UVRAG: variants seen among roughly 807,000 people sequenced by gnomAD.
The protein encoded by UVRAG is UV radiation resistance-associated gene protein.
In UVRAG, 19 loss-of-function variants were observed where a neutral mutation model predicts 78.0. That is an observed-to-expected ratio of 0.24 (90% confidence interval 0.17 to 0.36). UVRAG has a LOEUF of 0.36. UVRAG is among the 10% of genes least tolerant of loss of function. UVRAG has a pLI of 1.00. For synonymous variants in UVRAG, 323 were observed against 324.6 expected (o/e 1.00, Z 0.05); for missense variants, 740 against 853.8 (o/e 0.87, Z 1.66).
chr11:75,960,883 G>A (rs1948896216), intron 6 of UVRAG, among the ~76,000 whole-genome samples: 1 of 152,162 alleles, frequency 6.6e-6, no homozygotes, highest in South Asian at 2.1e-4. Flanking sequence ...AGACCTTACT[G>A]AGAATGTAGT....
chr11:75,930,508 A>T (rs1018635852), intron 6 of UVRAG, among the ~76,000 whole-genome samples: 5 of 152,230 alleles, frequency 3.3e-5, no homozygotes, highest in Non-Finnish European at 7.3e-5. Context: ...AACTAATATT[A>T]TAGAACTGTT....
intron 3 of UVRAG, among the ~76,000 whole-genome samples, chr11:75,871,117 G>A (rs1055887593): frequency 1.3e-5 from 2 of 151,934 alleles, no homozygotes; most frequent in African/African-American, 2.4e-5. Flanking sequence ...CAGGTGATTC[G>A]CCCACCTCGG....
At chr11:75,990,900 A>G (rs572092914) in intron 8 of UVRAG, among the ~76,000 whole-genome samples, 5 of 152,322 alleles carry the variant, frequency 3.3e-5, no homozygotes, top group Admixed American at 3.3e-4. Context: ...TACACATAGA[A>G]TAAATATTTG....
chr11:76,055,784 A>G (rs886165092), intron 12 of UVRAG, among the ~76,000 whole-genome samples: 1 of 151,842 alleles, frequency 6.6e-6, no homozygotes, highest in African/African-American at 2.4e-5. Flanking sequence ...ATCTCGGCTC[A>G]CTGCAAGCTC....
At chr11:75,950,085 G>A (rs1948662258) in intron 6 of UVRAG, among the ~76,000 whole-genome samples, 1 of 152,110 alleles carries the variant, frequency 6.6e-6, no homozygotes, top group African/African-American at 2.4e-5. Context: ...GATTAGCAGT[G>A]TATTCCTTTT....
chr11:76,030,844 A>G (rs1436235339), intron 12 of UVRAG, among the ~76,000 whole-genome samples: 1 of 152,120 alleles, frequency 6.6e-6, no homozygotes, highest in African/African-American at 2.4e-5. Context: ...TATTCTCTCT[A>G]TATAGTATCA....
chr11:76,068,287 C>T (rs547222120), intron 13 of UVRAG, among the ~76,000 whole-genome samples: 2 of 152,296 alleles, frequency 1.3e-5, no homozygotes, highest in African/African-American at 4.8e-5. Flanking sequence ...CCTGTTTGAT[C>T]CCCACTTCCC....
At chr11:76,135,369 AT>A (rs1952582221) in intron 14 of UVRAG, among the ~76,000 whole-genome samples, 1 of 152,194 alleles carries the variant, frequency 6.6e-6, no homozygotes, top group Non-Finnish European at 1.5e-5. Flanking sequence ...CAAATTAATC[AT>A]CTTAATTTAG....
At chr11:76,138,865 C>T (rs568742292) in intron 14 of UVRAG, among the ~76,000 whole-genome samples, 1 of 152,170 alleles carries the variant, frequency 6.6e-6, no homozygotes, top group East Asian at 1.9e-4. Flanking sequence ...AGTCAACCTG[C>T]AAGATGATTT....
In UVRAG at chr11:76,141,132, G is replaced by C; in HGVS notation, c.1819G>C (p.Gly607Arg). Residue 607 changes from glycine to arginine, a missense_variant, in exon 15 of 15, where the codon GGG (glycine) becomes CGG (arginine). Transcript: ENST00000356136. Reference protein sequence around the residue: ...NGTLLPSEQAGSASVQLPGEF... With the variant: ...NGTLLPSEQARSASVQLPGEF... ...CACTCTCCTACCCAGCGAGCAGGCC[G>C]GGTCCGCCAGTGTCCAGCTTCCAGG... 6.2e-7 allele frequency: 1 copy of C among 1,614,120 alleles called. No individual in the cohort carries two copies. The highest frequency in any genetic ancestry group is 1.3e-5 in the African/African-American group (1 of 75,040).
intron 4 of UVRAG, among the ~76,000 whole-genome samples, chr11:75,882,705 A>G (rs1196908354): frequency 6.6e-6 from 1 of 151,950 alleles, no homozygotes; most frequent in Non-Finnish European, 1.5e-5. Flanking sequence ...CCTCCCCTCC[A>G]CGCAGCTCCT....
At chr11:75,964,883 C>T (rs1025409613) in intron 7 of UVRAG, among the ~76,000 whole-genome samples, 1 of 152,202 alleles carries the variant, frequency 6.6e-6, no homozygotes, top group African/African-American at 2.4e-5. Flanking sequence ...ATTTAATTGC[C>T]TTGACATGTT....
At chr11:76,121,816 G>C (rs1952282121) in intron 14 of UVRAG, among the ~76,000 whole-genome samples, 1 of 152,196 alleles carries the variant, frequency 6.6e-6, no homozygotes, top group Admixed American at 6.5e-5. Flanking sequence ...TCAAGACCCA[G>C]CTCATATCCT....
chr11:76,080,113 G>A (rs902993531), intron 13 of UVRAG, among the ~76,000 whole-genome samples: 1 of 152,078 alleles, frequency 6.6e-6, no homozygotes, highest in African/African-American at 2.4e-5. Flanking sequence ...CCATTCATGA[G>A]GGTGGAGCCT....
At chr11:75,834,066 C>T (rs996493948) in intron 1 of UVRAG, among the ~76,000 whole-genome samples, 3 of 152,122 alleles carry the variant, frequency 2.0e-5, no homozygotes, top group Non-Finnish European at 2.9e-5. Flanking sequence ...AATTTAACAT[C>T]GATACTTTAA....
At chr11:76,114,447 G>C (rs1437305745) in intron 13 of UVRAG, among the ~76,000 whole-genome samples, 1 of 152,188 alleles carries the variant, frequency 6.6e-6, no homozygotes, top group Admixed American at 6.5e-5. Flanking sequence ...GGAGGCCCTG[G>C]CTGATAATAT....
chr11:76,091,320 G>C lies in UVRAG; in HGVS notation c.1306-24604G>C, dbSNP rs142835157. Among the ~76,000 whole-genome samples the C allele has an allele frequency of 3.0e-3, 451 of 151,986 alleles. 6 individuals are homozygous for C. The highest frequency in any genetic ancestry group is 0.01 in the African/African-American group (432 of 41,462). On this transcript the variant is annotated intron_variant, in intron 13 of 14. Coordinates refer to ENST00000356136, the MANE Select transcript of UVRAG (RefSeq NM_003369.4). Reference sequence around the variant, plus strand: ...TTAGAAATTTGTAGGAACTGTATTTGTGCCCAATGTTCTGAAATCTCAGAC... The same window carrying C: ...TTAGAAATTTGTAGGAACTGTATTTCTGCCCAATGTTCTGAAATCTCAGAC...
intron 12 of UVRAG, among the ~76,000 whole-genome samples, chr11:76,049,035 A>G (rs1183439961): frequency 6.6e-6 from 1 of 152,248 alleles, no homozygotes; most frequent in Non-Finnish European, 1.5e-5. Flanking sequence ...AGCCATGTAG[A>G]CACAGCATAG....
chr11:75,937,090 C>T (rs1364733803), intron 6 of UVRAG, among the ~76,000 whole-genome samples: 4 of 152,198 alleles, frequency 2.6e-5, no homozygotes, highest in Non-Finnish European at 2.9e-5. Flanking sequence ...AGTTTTTAGG[C>T]TGGGCGCGGT....
Sources: allele counts gnomAD v4.1 joint callset (sites outside exome capture counted in the v4.1 genomes callset), GRCh38; gene constraint gnomAD v4.1.1; transcripts MANE v1.5; gene names NCBI Gene and HGNC (gene_info 2026-07-23, HGNC 2026-07-21).